The following PRKAR2B variants were observed in gnomAD, a reference collection of about 807,000 sequenced individuals.
PRKAR2B encodes protein kinase cAMP-dependent type II regulatory subunit beta.
In PRKAR2B, 14 loss-of-function variants were observed where a neutral mutation model predicts 49.9. The ratio of observed to expected loss-of-function variants is 0.28; its 90% CI spans 0.19 to 0.44. PRKAR2B has a LOEUF of 0.44. Among genes scored for constraint, PRKAR2B ranks in the 20% least tolerant of loss-of-function variants. The probability of loss-of-function intolerance (pLI) is 1.00; values close to 1 mark genes in which losing one functional copy is unlikely to be tolerated. For missense variants in PRKAR2B, 393 were observed against 537.9 expected (o/e 0.73, Z 2.67); for synonymous variants, 196 against 197.7 (o/e 0.99, Z 0.07).
chr7:107,046,954 C>A (rs555962119), intron 1 of PRKAR2B, among the ~76,000 whole-genome samples: 2 of 152,136 alleles, frequency 1.3e-5, no homozygotes, highest in African/African-American at 2.4e-5. Flanking sequence ...CAATATATTG[C>A]GCACAGAAAA....
At chr7:107,077,790 C>G (rs1005282995) in intron 2 of PRKAR2B, 1 of 152,184 alleles carries the variant, frequency 6.6e-6, no homozygotes, top group Non-Finnish European at 1.5e-5. Flanking sequence ...AAAAGTGTCT[C>G]TGTGTGTGTG....
At chr7:107,147,537 T>C (rs749980073) in intron 6 of PRKAR2B, among the ~76,000 whole-genome samples, 6 of 152,218 alleles carry the variant, frequency 3.9e-5, no homozygotes, top group Non-Finnish European at 7.3e-5. Flanking sequence ...AAGGTAGTGA[T>C]TCTCAAACTT....
At chr7:107,147,119 C>T (rs775591552) in intron 6 of PRKAR2B, among the ~76,000 whole-genome samples, 4 of 151,926 alleles carry the variant, frequency 2.6e-5, no homozygotes, top group South Asian at 2.1e-4. Flanking sequence ...GTCAGGAGAT[C>T]GAGACCACGG....
At chr7:107,054,965 C>T (rs1248790859) in intron 1 of PRKAR2B, among the ~76,000 whole-genome samples, 1 of 152,092 alleles carries the variant, frequency 6.6e-6, no homozygotes, top group Non-Finnish European at 1.5e-5. Flanking sequence ...CTCCCCCATC[C>T]CCCAACCCCA....
At chr7:107,158,993 G>A (rs185307163) in intron 10 of PRKAR2B, among the ~76,000 whole-genome samples, 49 of 152,294 alleles carry the variant, frequency 3.2e-4, no homozygotes, top group African/African-American at 1.2e-3. Context: ...CATAGACATA[G>A]TATGGCAGCA....
At chr7:107,094,201 A>G (rs1794791350) in intron 2 of PRKAR2B, among the ~76,000 whole-genome samples, 1 of 152,158 alleles carries the variant, frequency 6.6e-6, no homozygotes, top group African/African-American at 2.4e-5. Context: ...AATGATCGCC[A>G]TTCTAACTGG....
At chr7:107,128,595 A>G (rs527293378) in intron 4 of PRKAR2B, among the ~76,000 whole-genome samples, 2 of 152,254 alleles carry the variant, frequency 1.3e-5, no homozygotes, top group African/African-American at 4.8e-5. Context: ...AGCCCTGAGA[A>G]ATGGCACAGG....
At chr7:107,095,521 C>T (rs1794821128) in intron 2 of PRKAR2B, among the ~76,000 whole-genome samples, 1 of 152,108 alleles carries the variant, frequency 6.6e-6, no homozygotes, top group Admixed American at 6.5e-5. Context: ...TTGCCCTGGC[C>T]AGAACTTCCA....
chr7:107,104,142 C>A (rs1388221511), intron 2 of PRKAR2B, among the ~76,000 whole-genome samples: 1 of 152,198 alleles, frequency 6.6e-6, no homozygotes, highest in Non-Finnish European at 1.5e-5. Context: ...AGCAGTTCTC[C>A]TGCCTCAGCC....
intron 2 of PRKAR2B, among the ~76,000 whole-genome samples, chr7:107,114,462 A>T (rs1357052387): frequency 2.7e-5 from 4 of 150,860 alleles, no homozygotes; most frequent in Middle Eastern, 3.5e-3. Flanking sequence ...CCTGGGTTCA[A>T]GTGATTCTTG....
chr7:107,158,985 T>C (rs1000680550), intron 10 of PRKAR2B, among the ~76,000 whole-genome samples: 2 of 152,186 alleles, frequency 1.3e-5, no homozygotes, highest in Non-Finnish European at 2.9e-5. Context: ...TTGGATTGCA[T>C]AGACATAGTA....
chr7:107,158,250 A>C (rs1796133064), intron 10 of PRKAR2B, among the ~76,000 whole-genome samples: 1 of 152,064 alleles, frequency 6.6e-6, no homozygotes. Context: ...GAGTGAGTGA[A>C]AGTCTATTAG....
chr7:107,068,079 C>G (rs957296503), intron 1 of PRKAR2B, among the ~76,000 whole-genome samples: 25 of 152,232 alleles, frequency 1.6e-4, no homozygotes, highest in African/African-American at 5.3e-4. Flanking sequence ...CTCTGAATTA[C>G]CGTGACAATC....
intron 5 of PRKAR2B, among the ~76,000 whole-genome samples, chr7:107,144,240 C>T (rs901341871): frequency 1.3e-5 from 2 of 151,828 alleles, no homozygotes; most frequent in Admixed American, 6.6e-5. Flanking sequence ...TGACTGCCAC[C>T]ACGCCTGGCT....
chr7:107,065,342 G>A (rs749591756), intron 1 of PRKAR2B, among the ~76,000 whole-genome samples: 9,026 of 130,292 alleles, frequency 0.069, 398 homozygotes, highest in Middle Eastern at 0.15. Flanking sequence ...GTGTGTGTGT[G>A]TGTGTGTGTG....
At chr7:107,066,310 G>GTGTGTA (rs1287283578) in intron 1 of PRKAR2B, among the ~76,000 whole-genome samples, 1 of 150,686 alleles carries the variant, frequency 6.6e-6, no homozygotes. Flanking sequence ...GGGTGTGTGT[G>GTGTGTA]TGTGTGTGTG....
At chr7:107,146,160 T>A (rs1489114924) in intron 5 of PRKAR2B, 148 bp from the exon 6 acceptor site, 6 of 779,626 alleles carry the variant, frequency 7.7e-6, no homozygotes, top group African/African-American at 7.0e-5. Context: ...CTGGAACAGA[T>A]GGCACAGATT....
intron 2 of PRKAR2B, among the ~76,000 whole-genome samples, chr7:107,088,789 G>A (rs1275291852): frequency 1.3e-5 from 2 of 152,014 alleles, no homozygotes; most frequent in East Asian, 3.9e-4. Context: ...TAGTAGACCC[G>A]TGGTTTTGCC....
chr7:107,119,181 T>G (rs1156988197), intron 2 of PRKAR2B, among the ~76,000 whole-genome samples: 1 of 152,214 alleles, frequency 6.6e-6, no homozygotes, highest in East Asian at 1.9e-4. Context: ...GAATTAAAAT[T>G]TAAGATCAAC....
Sources: gnomAD v4.1 joint callset for allele counts (sites outside exome capture counted in the v4.1 genomes callset) on GRCh38, gnomAD v4.1.1 for gene constraint, MANE v1.5 for transcripts, NCBI Gene and HGNC (gene_info 2026-07-23, HGNC 2026-07-21) for gene names.